Variants in MACROD2 observed in about 807,000 individuals in gnomAD.
The protein encoded by MACROD2 is mono-ADP ribosylhydrolase 2.
MACROD2 carries 36 observed loss-of-function variants against 70.4 expected under a neutral mutation model. The ratio of observed to expected loss-of-function variants is 0.51; its 90% confidence interval spans 0.39 to 0.68. MACROD2 has a LOEUF of 0.68. Among genes scored for constraint, MACROD2 ranks in the 30% least tolerant of loss-of-function variants. MACROD2 has a pLI of 0.00. For synonymous variants in MACROD2, 172 were observed against 178.8 expected (o/e 0.96, Z 0.30); for missense variants, 496 against 538.4 (o/e 0.92, Z 0.78).
At chr20:14,376,604 G>A (rs2083373336) in intron 3 of MACROD2, among the ~76,000 whole-genome samples, 2 of 151,950 alleles carry the variant, frequency 1.3e-5, no homozygotes, top group African/African-American at 4.8e-5. Context: ...AAAAACATTA[G>A]CCAGGCATGG....
chr20:14,928,099 A>G (rs1273570808), intron 5 of MACROD2, among the ~76,000 whole-genome samples: 2 of 152,260 alleles, frequency 1.3e-5, no homozygotes, highest in Non-Finnish European at 2.9e-5. Context: ...CATGGACGCC[A>G]TACTAAACTC....
chr20:14,643,796 CA>C (rs756447498), intron 4 of MACROD2, among the ~76,000 whole-genome samples: 81 of 152,218 alleles, frequency 5.3e-4, no homozygotes, highest in Non-Finnish European at 8.4e-4. Context: ...GCTGCAGCCT[CA>C]GCTCATGCCA....
Position 14,387,822 on chromosome 20 carries a change from A to G in MACROD2, c.272-105657A>G, listed in dbSNP as rs1297087790. Among the ~76,000 whole-genome samples the G allele has an allele frequency of 2.6e-5, 4 of 152,110 alleles. No homozygotes were observed. The East Asian group carries it at 7.7e-4, about 29-fold the overall frequency. On this transcript the variant is annotated intron_variant, in intron 3 of 17. Transcript: ENST00000684519. ...CCTCATGTTGCAAGTGTCTCACCAGACTTCAGAGTCTGAAATACTATAGTT... is the reference window on the plus strand; with the variant it reads ...CCTCATGTTGCAAGTGTCTCACCAGGCTTCAGAGTCTGAAATACTATAGTT...
chr20:14,746,421 T>C (rs2071800458), intron 5 of MACROD2, among the ~76,000 whole-genome samples: 2 of 152,286 alleles, frequency 1.3e-5, no homozygotes, highest in South Asian at 4.1e-4. Flanking sequence ...AATAGTTTAG[T>C]GTAAAAGGAG....
intron 8 of MACROD2, among the ~76,000 whole-genome samples, chr20:15,663,281 G>T (rs895841925): frequency 6.9e-6 from 1 of 144,732 alleles, no homozygotes; most frequent in Non-Finnish European, 1.5e-5. Flanking sequence ...TGTCACCCGC[G>T]CTGTACTGCA....
At chr20:15,869,666 A>G (rs2064553005) in intron 9 of MACROD2, among the ~76,000 whole-genome samples, 1 of 152,096 alleles carries the variant, frequency 6.6e-6, no homozygotes, top group Admixed American at 6.6e-5. Flanking sequence ...TTATAAGTTT[A>G]TAAATTATAA....
At chr20:14,988,336 C>T (rs914739921) in intron 5 of MACROD2, among the ~76,000 whole-genome samples, 2 of 140,262 alleles carry the variant, frequency 1.4e-5, no homozygotes, top group African/African-American at 5.4e-5. Flanking sequence ...TGTACTCCAG[C>T]CAGAGAATGA....
At chr20:14,287,898 C>T (rs1482164253) in intron 3 of MACROD2, among the ~76,000 whole-genome samples, 3 of 152,114 alleles carry the variant, frequency 2.0e-5, no homozygotes, top group Admixed American at 6.5e-5. Context: ...CTTGGTTCCT[C>T]CCAGCCATCC....
rs545997540 is a variant in MACROD2 at position 14,596,788 on chromosome 20, A to G, written c.302-88055A>G. ...TTTGAGATTAAGTTTGCCCATCTGT[A>G]CCATGGAGTTAATAACACCTACCTC... On this transcript the variant is annotated intron_variant, in intron 4 of 17. Transcript: ENST00000684519. Among the ~76,000 whole-genome samples, 19 of 152,284 alleles carry G rather than the reference A, an allele frequency of 1.2e-4. No individual in the cohort carries two copies. In the South Asian group the frequency reaches 2.9e-3, roughly 23 times the overall value.
At chr20:15,937,843 A>G (rs2065689584) in intron 12 of MACROD2, among the ~76,000 whole-genome samples, 1 of 152,054 alleles carries the variant, frequency 6.6e-6, no homozygotes, top group African/African-American at 2.4e-5. Flanking sequence ...ATGTTTAGAG[A>G]TGTTTATTTA....
Position 14,882,324 on chromosome 20 carries a change from A to G in MACROD2, c.418+197365A>G, listed in dbSNP as rs763970339. ...CTGAATTTTTCTTCCCCTTTTTATC[A>G]TCGCAGTGTTTGAAAATTTTACTTC... On this transcript the variant is annotated intron_variant, in intron 5 of 17. Transcript: ENST00000684519. 5.8e-4 allele frequency among the ~76,000 whole-genome samples: 88 copies of G among 152,108 alleles called. 1 individual carries two copies. Among genetic ancestry groups the G allele is most frequent in the Non-Finnish European group, 1.9e-4 (13 of 68,030 alleles).
chr20:14,509,561 T>A (rs2085006619), intron 4 of MACROD2, among the ~76,000 whole-genome samples: 1 of 152,004 alleles, frequency 6.6e-6, no homozygotes, highest in Non-Finnish European at 1.5e-5. Flanking sequence ...TTCTTTAGAT[T>A]TGCTTCCAAG....
intron 5 of MACROD2, among the ~76,000 whole-genome samples, chr20:15,026,469 T>G (rs2075232700): frequency 6.6e-6 from 1 of 151,418 alleles, no homozygotes; most frequent in Admixed American, 6.6e-5. Context: ...TACTTGAGAA[T>G]AATGTTTTGT....
At chr20:14,281,569 T>G (rs965933894) in intron 3 of MACROD2, among the ~76,000 whole-genome samples, 9 of 152,122 alleles carry the variant, frequency 5.9e-5, no homozygotes, top group Non-Finnish European at 1.2e-4. Flanking sequence ...TTTTTAAAGG[T>G]CATCTTGGCT....
intron 5 of MACROD2, among the ~76,000 whole-genome samples, chr20:14,686,180 A>T (rs1448335612): frequency 6.6e-6 from 1 of 152,204 alleles, no homozygotes; most frequent in Non-Finnish European, 1.5e-5. Flanking sequence ...CAGATTGAGT[A>T]TTCCTTACCC....
At chr20:14,537,395 T>A (rs1223424736) in intron 4 of MACROD2, among the ~76,000 whole-genome samples, 1 of 152,154 alleles carries the variant, frequency 6.6e-6, no homozygotes, top group Non-Finnish European at 1.5e-5. Context: ...GCCTCAGAAT[T>A]GTCTACACCT....
chr20:15,403,599 T>C (rs1326292391), intron 6 of MACROD2, among the ~76,000 whole-genome samples: 4 of 152,222 alleles, frequency 2.6e-5, no homozygotes, highest in Non-Finnish European at 5.9e-5. Flanking sequence ...TTTTCCAGAC[T>C]CCTTTGCAGC....
intron 8 of MACROD2, among the ~76,000 whole-genome samples, chr20:15,523,470 G>C (rs1319782172): frequency 1.3e-5 from 2 of 152,158 alleles, no homozygotes; most frequent in Non-Finnish European, 2.9e-5. Flanking sequence ...GGAAGATTTG[G>C]CTGATGTCTT....
chr20:14,136,735 A>G (rs145509480), intron 3 of MACROD2, among the ~76,000 whole-genome samples: 2,164 of 152,312 alleles, frequency 0.014, 20 homozygotes, highest in South Asian at 0.037. Context: ...AGTGTTTGCT[A>G]TGTACTAGGC....
Sources: allele counts gnomAD v4.1 joint callset (sites outside exome capture counted in the v4.1 genomes callset), GRCh38; gene constraint gnomAD v4.1.1; transcripts MANE v1.5; gene names NCBI Gene and HGNC (gene_info 2026-07-23, HGNC 2026-07-21).